The following RANBP2 variants were observed in gnomAD, a reference collection of about 807,000 sequenced individuals.
The protein encoded by RANBP2 is E3 SUMO-protein ligase RanBP2.
Under a neutral mutation model 303.6 loss-of-function variants are expected in RANBP2, and 57 were observed. That is an observed-to-expected ratio of 0.19 (90% CI 0.15 to 0.23). The LOEUF (loss-of-function observed/expected upper bound fraction) is 0.23, where lower values mean the gene tolerates loss of function less well. Ranked by LOEUF, RANBP2 falls within the 10% of genes least tolerant of loss-of-function variation. The probability of loss-of-function intolerance (pLI) is 1.00; values close to 1 mark genes in which losing one functional copy is unlikely to be tolerated. For synonymous variants in RANBP2, 1,167 were observed against 1,301.5 expected (o/e 0.90, Z 2.23); for missense variants, 3,138 against 3,780.8 (o/e 0.83, Z 4.46).
At chr2:109,025,071 T>C in the RANBP2 span, among the ~76,000 whole-genome samples, 1 of 152,226 alleles carries the variant, frequency 6.6e-6, no homozygotes, top group Admixed American at 6.5e-5. Flanking sequence ...CTCTATGTAT[T>C]TGACCATTCT....
the RANBP2 span, among the ~76,000 whole-genome samples, chr2:108,908,237 C>T: frequency 3.3e-5 from 5 of 152,066 alleles, no homozygotes; most frequent in South Asian, 2.1e-4. Flanking sequence ...CAAACAAGTC[C>T]GTGGTGGGTG....
chr2:109,524,191 G>C, the RANBP2 span, among the ~76,000 whole-genome samples: 10 of 152,114 alleles, frequency 6.6e-5, no homozygotes, highest in Admixed American at 3.9e-4. Flanking sequence ...AAAAACTCAG[G>C]CTCAGGGAAG....
the RANBP2 span, among the ~76,000 whole-genome samples, chr2:109,160,565 C>T: frequency 6.6e-6 from 1 of 152,208 alleles, no homozygotes; most frequent in Admixed American, 6.5e-5. Context: ...TCATCTGATT[C>T]TAGCAGTAAC....
At chr2:109,703,988 C>A in the RANBP2 span, among the ~76,000 whole-genome samples, 1 of 152,160 alleles carries the variant, frequency 6.6e-6, no homozygotes, top group Admixed American at 6.5e-5. Context: ...ATCACTTCTC[C>A]CACTGCCAAT....
At chr2:108,996,194 T>C in the RANBP2 span, among the ~76,000 whole-genome samples, 1 of 152,086 alleles carries the variant, frequency 6.6e-6, no homozygotes, top group Non-Finnish European at 1.5e-5. Context: ...TGCCTAACAG[T>C]GGGGATAGGT....
the RANBP2 span, among the ~76,000 whole-genome samples, chr2:109,007,706 A>G: frequency 6.6e-6 from 1 of 152,256 alleles, no homozygotes. Flanking sequence ...CTTTGTGGGT[A>G]GAAAGATAAA....
At chr2:109,691,813 T>C in the RANBP2 span, among the ~76,000 whole-genome samples, 1 of 151,964 alleles carries the variant, frequency 6.6e-6, no homozygotes, top group Non-Finnish European at 1.5e-5. Flanking sequence ...GGCAGAGTCT[T>C]GCTCTGTCAC....
the RANBP2 span, among the ~76,000 whole-genome samples, chr2:109,220,972 T>C: frequency 4.6e-5 from 7 of 152,238 alleles, no homozygotes; most frequent in Non-Finnish European, 8.8e-5. Context: ...TGTACACCAA[T>C]GTTCATAATT....
the RANBP2 span, among the ~76,000 whole-genome samples, chr2:108,863,255 T>G: frequency 1.3e-4 from 20 of 152,224 alleles, no homozygotes; most frequent in Admixed American, 9.8e-4. Flanking sequence ...ATAGATGCAA[T>G]ATTTCTAACA....
chr2:109,455,879 T>TG, the RANBP2 span, among the ~76,000 whole-genome samples: 8 of 152,014 alleles, frequency 5.3e-5, no homozygotes, highest in Non-Finnish European at 8.8e-5. Context: ...CCAACCAGGG[T>TG]GGGGAGGGGC....
the RANBP2 span, among the ~76,000 whole-genome samples, chr2:109,675,791 G>A: frequency 1.3e-5 from 2 of 152,234 alleles, no homozygotes; most frequent in East Asian, 1.9e-4. Flanking sequence ...CCACTCTGCT[G>A]AGGGTGGGTC....
At chr2:109,586,120 G>A in the RANBP2 span, among the ~76,000 whole-genome samples, 1 of 151,964 alleles carries the variant, frequency 6.6e-6, no homozygotes, top group South Asian at 2.1e-4. Context: ...TCCAACTATG[G>A]CATATTCACT....
At chr2:108,759,878 C>G (rs541958994) in intron 18 of RANBP2, among the ~76,000 whole-genome samples, 41 of 152,272 alleles carry the variant, frequency 2.7e-4, no homozygotes, top group African/African-American at 9.6e-4. Flanking sequence ...TGTTCTTATA[C>G]AAGCATGTAA....
chr2:108,732,914 C>A (rs1195297327), intron 4 of RANBP2, among the ~76,000 whole-genome samples: 1 of 152,208 alleles, frequency 6.6e-6, no homozygotes, highest in African/African-American at 2.4e-5. Context: ...ACCTCCGCCT[C>A]CCAGGTTCAA....
the RANBP2 span, among the ~76,000 whole-genome samples, chr2:108,996,150 T>A: frequency 6.6e-6 from 1 of 152,194 alleles, no homozygotes; most frequent in African/African-American, 2.4e-5. Context: ...GATTCTGATT[T>A]GGGAAGAGGG....
At chr2:108,896,364 T>C in the RANBP2 span, 1 of 154,482 alleles carries the variant, frequency 6.5e-6, no homozygotes, top group Non-Finnish European at 1.4e-5. Context: ...TCAAAATGTT[T>C]GAGCTGCTTC....
chr2:109,129,292 G>T, the RANBP2 span: 2 of 690,752 alleles, frequency 2.9e-6, no homozygotes, highest in South Asian at 1.6e-5. Flanking sequence ...GCCCGCAGCC[G>T]CAGGCGCTGC....
chr2:109,290,188 C>T, the RANBP2 span, among the ~76,000 whole-genome samples: 2 of 152,200 alleles, frequency 1.3e-5, no homozygotes, highest in Non-Finnish European at 2.9e-5. Context: ...GTCCGGGTGG[C>T]TTAGGTCTGG....
chr2:109,013,034 T>C, the RANBP2 span, among the ~76,000 whole-genome samples: 1 of 152,312 alleles, frequency 6.6e-6, no homozygotes, highest in East Asian at 1.9e-4. Context: ...AACTCCATGC[T>C]CACCACAGGT....
Sources: gnomAD v4.1 joint callset for allele counts (sites outside exome capture counted in the v4.1 genomes callset) on GRCh38, gnomAD v4.1.1 for gene constraint, MANE v1.5 for transcripts, NCBI Gene and HGNC (gene_info 2026-07-23, HGNC 2026-07-21) for gene names.